The following OSBPL9 variants were observed in gnomAD, a reference collection of about 807,000 sequenced individuals.
OSBPL9 encodes the protein oxysterol-binding protein-related protein 9.
In OSBPL9, 40 loss-of-function variants were observed where a neutral mutation model predicts 106.6. That is an observed-to-expected ratio of 0.38 (90% CI 0.29 to 0.49). The LOEUF is 0.49. OSBPL9 is among the 20% of genes least tolerant of loss of function. OSBPL9 has a pLI of 0.97. For missense variants in OSBPL9, 609 were observed against 887.2 expected (o/e 0.69, Z 3.98); for synonymous variants, 269 against 295.4 (o/e 0.91, Z 0.92).
chr1:51,622,512 G>A (rs528449436), intron 1 of OSBPL9, among the ~76,000 whole-genome samples: 2 of 152,282 alleles, frequency 1.3e-5, no homozygotes, highest in East Asian at 1.9e-4. Flanking sequence ...TTCTGGCTCA[G>A]GGTCTCTTAT....
intron 2 of OSBPL9, among the ~76,000 whole-genome samples, chr1:51,600,197 T>A (rs377059275): frequency 1.2e-3 from 180 of 152,344 alleles, no homozygotes; most frequent in African/African-American, 4.2e-3. Flanking sequence ...TTGGGTTAAC[T>A]CAATGTGATT....
chr1:51,788,117 G>GAT lies in OSBPL9; in HGVS notation c.*330_*331dup. 1 of 293,152 alleles carries GAT rather than the reference G, an allele frequency of 3.4e-6. No homozygotes were observed. Among genetic ancestry groups the GAT allele is most frequent in the Admixed American group, 4.8e-5 (1 of 20,982 alleles). 18.2% of individuals were successfully genotyped at this position (293,152 alleles called of 1,614,324 possible). A position where few individuals can be genotyped will look rare whatever the true frequency, so the allele number is the denominator to read the frequency against. On this transcript the variant is annotated 3_prime_UTR_variant, in exon 24 of 24. Transcript: ENST00000428468. ...CTCTGCGCTCTAGTACTGCTGTTAA[G>GAT]ATACACAACTTGTTTCTTAGTTCAT...
chr1:51,753,521 A>G (rs1397154271), intron 8 of OSBPL9, among the ~76,000 whole-genome samples: 2 of 152,216 alleles, frequency 1.3e-5, no homozygotes, highest in African/African-American at 4.8e-5. Context: ...ATGGAAATAT[A>G]AATTGTTATA....
At chr1:51,761,374 A>G (rs1356928847) in intron 10 of OSBPL9, among the ~76,000 whole-genome samples, 1 of 151,772 alleles carries the variant, frequency 6.6e-6, no homozygotes, top group African/African-American at 2.4e-5. Context: ...TATATCCAAC[A>G]TTTCTATGTT....
At chr1:51,619,410 C>A in intron 1 of OSBPL9, among the ~76,000 whole-genome samples, 1 of 152,114 alleles carries the variant, frequency 6.6e-6, no homozygotes, top group South Asian at 2.1e-4. Flanking sequence ...AATACTTGGA[C>A]AAATATCTCT....
the OSBPL9 span, among the ~76,000 whole-genome samples, chr1:51,539,092 C>A: frequency 6.6e-6 from 1 of 152,158 alleles, no homozygotes; most frequent in South Asian, 2.1e-4. Flanking sequence ...AAATTTACAT[C>A]TTTTTCCCAG....
intron 1 of OSBPL9, among the ~76,000 whole-genome samples, chr1:51,625,957 A>G (rs766197290): frequency 1.4e-4 from 21 of 152,216 alleles, no homozygotes; most frequent in Non-Finnish European, 2.6e-4. Flanking sequence ...TCACATGACA[A>G]TGTTAAAATT....
intron 3 of OSBPL9, among the ~76,000 whole-genome samples, chr1:51,693,613 A>G (rs1655435892): frequency 6.6e-6 from 1 of 152,176 alleles, no homozygotes; most frequent in Non-Finnish European, 1.5e-5. Context: ...TTAAATAATG[A>G]CTCAGACTTC....
intron 15 of OSBPL9, among the ~76,000 whole-genome samples, chr1:51,777,947 G>A (rs1675445767): frequency 1.3e-5 from 2 of 152,048 alleles, no homozygotes; most frequent in South Asian, 4.2e-4. Flanking sequence ...GAAGCCAGGA[G>A]TTTGAGACCA....
At chr1:51,693,410 A>C (rs1655397707) in intron 3 of OSBPL9, among the ~76,000 whole-genome samples, 1 of 152,030 alleles carries the variant, frequency 6.6e-6, no homozygotes. Context: ...AGAGAAAAGA[A>C]AAGAAGAAAA....
intron 3 of OSBPL9, among the ~76,000 whole-genome samples, chr1:51,670,696 C>A (rs1649663326): frequency 6.6e-6 from 1 of 152,182 alleles, no homozygotes; most frequent in South Asian, 2.1e-4. Context: ...TTCAGAGCTG[C>A]TTTAATAACG....
At chr1:51,590,402 C>T (rs1285850252) in intron 1 of OSBPL9, among the ~76,000 whole-genome samples, 2 of 151,690 alleles carry the variant, frequency 1.3e-5, no homozygotes, top group Non-Finnish European at 2.9e-5. Context: ...GGGTGGATCA[C>T]GAGGTCAGGA....
At chr1:51,784,889 CAG>C (rs1181133504) in intron 20 of OSBPL9, 1 of 344,558 alleles carries the variant, frequency 2.9e-6, no homozygotes, top group Non-Finnish European at 5.3e-6. Flanking sequence ...TTATTCTTGC[CAG>C]ATTGAATGAT....
chr1:51,702,053 G>T (rs1657400415), intron 3 of OSBPL9, among the ~76,000 whole-genome samples: 1 of 152,168 alleles, frequency 6.6e-6, no homozygotes, highest in African/African-American at 2.4e-5. Context: ...ATCGTTGTTG[G>T]ACATTTGGGT....
intron 8 of OSBPL9, 105 bp from the exon 9 acceptor site, chr1:51,756,215 T>C: frequency 1.1e-6 from 1 of 913,952 alleles, no homozygotes; most frequent in Non-Finnish European, 1.7e-6. Flanking sequence ...AATCATGTTC[T>C]AACATTATTA....
chr1:51,559,276 G>C, the OSBPL9 span, among the ~76,000 whole-genome samples: 1 of 151,988 alleles, frequency 6.6e-6, no homozygotes, highest in Non-Finnish European at 1.5e-5. Flanking sequence ...GATGTTCTGG[G>C]CTGGCTGAGT....
At position 51,704,181 on chromosome 1, in the gene OSBPL9, C is replaced by G. The variant is rs528694306; in HGVS notation, c.242-9822C>G. Among the ~76,000 whole-genome samples the G allele has an allele frequency of 6.3e-4, 96 of 152,262 alleles. 4 individuals are homozygous for G. In the East Asian group the frequency reaches 0.018, roughly 29 times the overall value. On this transcript the variant is annotated intron_variant, in intron 3 of 23. Coordinates refer to ENST00000428468, the MANE Select transcript of OSBPL9 (RefSeq NM_024586.6). ...GAGTTAGGGAGGATTCCCTCTTTTT[C>G]TATTGATTGGAATAGTTTCAGAAGG... is the stretch of plus-strand genomic sequence containing the variant.
At chr1:51,541,603 C>G in the OSBPL9 span, among the ~76,000 whole-genome samples, 1 of 152,188 alleles carries the variant, frequency 6.6e-6, no homozygotes, top group African/African-American at 2.4e-5. Flanking sequence ...GGGTCATATT[C>G]CCAGTCTTAG....
intron 4 of OSBPL9, among the ~76,000 whole-genome samples, chr1:51,716,620 A>C (rs193025458): frequency 6.6e-6 from 1 of 152,274 alleles, no homozygotes; most frequent in Admixed American, 6.5e-5. Flanking sequence ...AGCACTCAGT[A>C]AATGTTAGTT....
Sources: gnomAD v4.1 joint callset for allele counts (sites outside exome capture counted in the v4.1 genomes callset) on GRCh38, gnomAD v4.1.1 for gene constraint, MANE v1.5 for transcripts, NCBI Gene and HGNC (gene_info 2026-07-23, HGNC 2026-07-21) for gene names.